DENR: variants seen among roughly 807,000 people sequenced by gnomAD.
DENR encodes density regulated re-initiation and release factor, also known as density-regulated protein.
In DENR, 6 loss-of-function variants were observed where a neutral mutation model predicts 30.6. That is an observed-to-expected ratio of 0.20 (90% CI 0.11 to 0.39). The LOEUF is 0.39. Among genes scored for constraint, DENR ranks in the 10% least tolerant of loss-of-function variants. The pLI, the probability that DENR is intolerant of heterozygous loss-of-function variation, is 1.00. For missense variants in DENR, 141 were observed against 230.9 expected (o/e 0.61, Z 2.52); for synonymous variants, 78 against 72.1 (o/e 1.08, Z -0.41).
Position 122,769,229 on chromosome 12 carries a change from TGTG to T in DENR, c.*152_*154del, listed in dbSNP as rs2135513689. ...ACACATATACACATGTATATATACA[TGTG>T]TGTATGTATACATGTATATATATAT... On this transcript the variant is annotated 3_prime_UTR_variant, in exon 8 of 8. Coordinates refer to ENST00000280557, the MANE Select transcript of DENR (RefSeq NM_003677.5). 3.9e-6 allele frequency: 3 copies of T among 772,444 alleles called. No homozygotes were observed. Among genetic ancestry groups the T allele is most frequent in the East Asian group, 1.8e-4 (2 of 11,166 alleles). The allele number at this position is 772,444 out of a possible 1,614,324, so 47.8% of individuals were successfully genotyped here.
At chr12:122,759,627 A>G (rs932230593) in intron 2 of DENR, among the ~76,000 whole-genome samples, 4 of 152,204 alleles carry the variant, frequency 2.6e-5, no homozygotes, top group African/African-American at 4.8e-5. Flanking sequence ...AGGCTGAGCT[A>G]CGAGAATCAC....
chr12:122,757,077 A>C (rs1179043617), intron 2 of DENR, among the ~76,000 whole-genome samples: 1 of 152,204 alleles, frequency 6.6e-6, no homozygotes, highest in Non-Finnish European at 1.5e-5. Flanking sequence ...TGCTTAGAGA[A>C]GAGGGAAAAC....
chr12:122,753,890 C>G, intron 2 of DENR, 83 bp downstream of exon 2: 1 of 1,120,434 alleles, frequency 8.9e-7, no homozygotes, highest in African/African-American at 1.5e-5. Context: ...GGTAAGCTTT[C>G]TTCCCCATCC....
intron 2 of DENR, among the ~76,000 whole-genome samples, chr12:122,760,453 C>T (rs1387178125): frequency 5.3e-5 from 8 of 152,098 alleles, no homozygotes; most frequent in Admixed American, 6.5e-5. Context: ...AACAAAAGGC[C>T]GGGCGCGGTG....
At chr12:122,760,635 G>T (rs561389679) in intron 2 of DENR, among the ~76,000 whole-genome samples, 1 of 152,208 alleles carries the variant, frequency 6.6e-6, no homozygotes, top group Non-Finnish European at 1.5e-5. Flanking sequence ...GGAGACTGAG[G>T]CAGGAGAATG....
In DENR at chr12:122,767,553, C is replaced by T; in HGVS notation, c.361C>T (p.Pro121Ser). ...ACAAAAGGTTACTATAGCCAAAATT[C>T]CCAGAGCAAAGAAGAAATATGTGAC... ...VPQKVTIAKI[P>S]RAKKKYVTRV... Residue 121 changes from proline to serine, a missense_variant, in exon 6 of 8, where the codon CCC becomes TCC. Coordinates refer to ENST00000280557, the MANE Select transcript of DENR (RefSeq NM_003677.5). 1.2e-6 allele frequency: 2 copies of T among 1,603,026 alleles called. No homozygotes were observed. Among genetic ancestry groups the T allele is most frequent in the East Asian group, 2.2e-5 (1 of 44,630 alleles).
chr12:122,762,118 G>A (rs1878716468), intron 2 of DENR, 69 bp from the exon 3 acceptor site: 2 of 1,035,606 alleles, frequency 1.9e-6, no homozygotes, highest in African/African-American at 1.7e-5. Context: ...TAAAAGTAAG[G>A]ATAAGCCCTG....
intron 5 of DENR, among the ~76,000 whole-genome samples, chr12:122,765,835 A>G (rs1878832237): frequency 6.6e-6 from 1 of 152,130 alleles, no homozygotes; most frequent in South Asian, 2.1e-4. Context: ...TCTTCTATTT[A>G]AGTAGAGTGA....
intron 2 of DENR, among the ~76,000 whole-genome samples, chr12:122,756,313 G>A (rs1417403693): frequency 2.0e-5 from 3 of 152,198 alleles, no homozygotes; most frequent in Non-Finnish European, 4.4e-5. Context: ...GCTGGGCATA[G>A]TGGCAGGCGC....
intron 4 of DENR, 183 bp downstream of exon 4, chr12:122,763,112 A>G: frequency 1.9e-6 from 1 of 517,454 alleles, no homozygotes; most frequent in South Asian, 2.3e-5. Context: ...TACATAAAAA[A>G]GTAAATGGGC....
chr12:122,754,798 C>G (rs1311745277), intron 2 of DENR, among the ~76,000 whole-genome samples: 3 of 152,006 alleles, frequency 2.0e-5, no homozygotes, highest in Non-Finnish European at 1.5e-5. Flanking sequence ...GAAATAGAAC[C>G]CACAAATTTG....
At chr12:122,757,239 G>GT (rs1304949365) in intron 2 of DENR, among the ~76,000 whole-genome samples, 1 of 152,196 alleles carries the variant, frequency 6.6e-6, no homozygotes, top group Non-Finnish European at 1.5e-5. Context: ...AAAGTCTGGG[G>GT]TTTCAGAGAG....
chr12:122,761,120 A>G (rs369542320), intron 2 of DENR, among the ~76,000 whole-genome samples: 27 of 151,562 alleles, frequency 1.8e-4, no homozygotes, highest in African/African-American at 6.1e-4. Context: ...CCCTTACTCT[A>G]AAAAAAATAG....
intron 4 of DENR, among the ~76,000 whole-genome samples, chr12:122,763,701 C>CA (rs1214566186): frequency 3.3e-5 from 5 of 151,610 alleles, no homozygotes; most frequent in Non-Finnish European, 7.4e-5. Flanking sequence ...AACTCTGTCT[C>CA]AAAAAAACAA....
chr12:122,763,126 G>C, intron 4 of DENR, 197 bp downstream of exon 4: 2 of 477,110 alleles, frequency 4.2e-6, no homozygotes, highest in South Asian at 4.6e-5. Context: ...AATGGGCCGG[G>C]CGCAGTGGCT....
At chr12:122,762,134 G>C in intron 2 of DENR, 53 bp from the exon 3 acceptor site, 1 of 1,198,722 alleles carries the variant, frequency 8.3e-7, no homozygotes, top group Non-Finnish European at 1.2e-6. Flanking sequence ...CCCTGTGTAT[G>C]TGTGTACATA....
chr12:122,766,506 C>G (rs1249050964), intron 5 of DENR, among the ~76,000 whole-genome samples: 3 of 152,206 alleles, frequency 2.0e-5, no homozygotes. Context: ...ATTCCCAAAT[C>G]TGTATATCTG....
chr12:122,770,200 C>T lies in DENR; in HGVS notation c.*1122C>T, dbSNP rs182688485. 1 of 154,586 alleles carries T rather than the reference C, an allele frequency of 6.5e-6. No homozygotes were observed. Among genetic ancestry groups the T allele is most frequent in the Admixed American group, 6.5e-5 (1 of 15,308 alleles). 9.6% of individuals were successfully genotyped at this position (154,586 alleles called of 1,614,324 possible). A position where few individuals can be genotyped will look rare whatever the true frequency, so the allele number is the denominator to read the frequency against. ...GAAGACATTAGAAGAAATAATCAGCCTTGCATAAAACTTATGGATGAAAGT... is the reference window on the plus strand; with the variant it reads ...GAAGACATTAGAAGAAATAATCAGCTTTGCATAAAACTTATGGATGAAAGT... On this transcript the variant is annotated 3_prime_UTR_variant, in exon 8 of 8. Coordinates refer to ENST00000280557, the MANE Select transcript of DENR (RefSeq NM_003677.5).
At position 122,768,792 on chromosome 12, in the gene DENR, T is replaced by C; in HGVS notation, c.423T>C (p.Leu141=). The change falls in exon 7 of 8, where the codon CTT becomes CTC. Residue 141 remains leucine, a synonymous_variant. Coordinates refer to ENST00000280557, the MANE Select transcript of DENR (RefSeq NM_003677.5). ...VCGLATFEID[L]KEAQRFFAQK... ...TTTTTAAAAAAATAGAAATTGATCT[T>C]AAAGAAGCACAAAGATTTTTTGCTC... 6.4e-7 allele frequency: 1 copy of C among 1,568,428 alleles called. No homozygotes were observed. The highest frequency in any genetic ancestry group is 8.6e-7 in the Non-Finnish European group (1 of 1,158,022).
Sources: allele counts gnomAD v4.1 joint callset (sites outside exome capture counted in the v4.1 genomes callset), GRCh38; gene constraint gnomAD v4.1.1; transcripts MANE v1.5; gene names NCBI Gene and HGNC (gene_info 2026-07-23, HGNC 2026-07-21).